Variants in MATCAP2 observed in about 807,000 individuals in gnomAD.
MATCAP2 encodes the protein putative tyrosine carboxypeptidase MATCAP2.
the MATCAP2 span, among the ~76,000 whole-genome samples, chr7:36,381,468 T>C: frequency 2.0e-5 from 3 of 151,870 alleles, no homozygotes; most frequent in East Asian, 1.9e-4. Flanking sequence ...GTCAGGAGTT[T>C]GAGACCAGCC....
At chr7:36,342,827 T>C in the MATCAP2 span, among the ~76,000 whole-genome samples, 1 of 152,240 alleles carries the variant, frequency 6.6e-6, no homozygotes, top group Non-Finnish European at 1.5e-5. Flanking sequence ...AGTTTAACTG[T>C]GTTGCCCAGG....
At chr7:36,324,753 C>T in the MATCAP2 span, 3 of 152,180 alleles carry the variant, frequency 2.0e-5, no homozygotes, top group Non-Finnish European at 2.9e-5. Context: ...GATTTAAGGT[C>T]ATTTTGTCTG....
At chr7:36,351,941 TAAAA>T in the MATCAP2 span, among the ~76,000 whole-genome samples, 13 of 115,286 alleles carry the variant, frequency 1.1e-4, no homozygotes, top group South Asian at 3.1e-4. Context: ...GGGAGATTGT[TAAAA>T]AAAAAAAAAA....
chr7:36,345,486 T>C, the MATCAP2 span, among the ~76,000 whole-genome samples: 1 of 152,208 alleles, frequency 6.6e-6, no homozygotes, highest in African/African-American at 2.4e-5. Context: ...TCTCCTCACC[T>C]GAATGTCACT....
chr7:36,360,229 G>T, the MATCAP2 span, among the ~76,000 whole-genome samples: 2 of 151,966 alleles, frequency 1.3e-5, no homozygotes, highest in Non-Finnish European at 2.9e-5. Flanking sequence ...AGCTTGCTGA[G>T]TTTTTTGTCG....
the MATCAP2 span, among the ~76,000 whole-genome samples, chr7:36,378,579 G>C: frequency 3.9e-5 from 6 of 152,196 alleles, no homozygotes; most frequent in Non-Finnish European, 5.9e-5. Context: ...GGGGCAGTCT[G>C]TCTGTTCTCA....
chr7:36,335,255 T>G, the MATCAP2 span: 10 of 1,335,534 alleles, frequency 7.5e-6, no homozygotes, highest in Middle Eastern at 1.1e-3. Flanking sequence ...CAGAAAACAA[T>G]GGGCCTGTAA....
chr7:36,388,907 T>G, the MATCAP2 span, among the ~76,000 whole-genome samples: 2 of 152,240 alleles, frequency 1.3e-5, no homozygotes, highest in African/African-American at 4.8e-5. Context: ...TCACACAGTC[T>G]GTTAATTTTA....
At chr7:36,390,073 A>G in the MATCAP2 span, 1 of 1,613,116 alleles carries the variant, frequency 6.2e-7, no homozygotes, top group Non-Finnish European at 8.5e-7. Context: ...GCAGCCAGCC[A>G]TGACCCACCG....
the MATCAP2 span, among the ~76,000 whole-genome samples, chr7:36,334,706 A>C: frequency 6.6e-6 from 1 of 152,140 alleles, no homozygotes; most frequent in African/African-American, 2.4e-5. Flanking sequence ...CCTTTATAAC[A>C]ATTTACTTTT....
chr7:36,350,804 C>G, the MATCAP2 span, among the ~76,000 whole-genome samples: 1 of 152,174 alleles, frequency 6.6e-6, no homozygotes, highest in Non-Finnish European at 1.5e-5. Flanking sequence ...TGTGTTTTAA[C>G]TGACTTGGGT....
the MATCAP2 span, among the ~76,000 whole-genome samples, chr7:36,371,164 G>A: frequency 0.089 from 13,609 of 152,152 alleles, 745 homozygotes; most frequent in East Asian, 0.16. Flanking sequence ...GGAGTGCAAT[G>A]GCATGATCAT....
chr7:36,364,364 C>G, the MATCAP2 span, among the ~76,000 whole-genome samples: 49 of 152,224 alleles, frequency 3.2e-4, no homozygotes, highest in African/African-American at 1.2e-3. Context: ...GCTGGGATTA[C>G]AAGTGTGAGC....
chr7:36,378,696 C>T, the MATCAP2 span, among the ~76,000 whole-genome samples: 2 of 152,330 alleles, frequency 1.3e-5, no homozygotes, highest in South Asian at 4.1e-4. Context: ...CTCTGCCCTG[C>T]CCCCAGAGTT....
chr7:36,388,819 G>A, the MATCAP2 span, among the ~76,000 whole-genome samples: 3 of 152,270 alleles, frequency 2.0e-5, no homozygotes, highest in African/African-American at 7.2e-5. Context: ...CTAGATAGAG[G>A]GCTTGTCAGA....
chr7:36,342,326 C>T, the MATCAP2 span, among the ~76,000 whole-genome samples: 3 of 151,796 alleles, frequency 2.0e-5, no homozygotes, highest in South Asian at 2.1e-4. Flanking sequence ...ATTACAGGCA[C>T]CTGCCACCAT....
chr7:36,353,099 C>T, the MATCAP2 span, among the ~76,000 whole-genome samples: 5 of 152,070 alleles, frequency 3.3e-5, no homozygotes. Context: ...TGAGACCCCC[C>T]CACCTATCCA....
the MATCAP2 span, among the ~76,000 whole-genome samples, chr7:36,359,882 A>C: frequency 6.6e-6 from 1 of 152,164 alleles, no homozygotes; most frequent in Non-Finnish European, 1.5e-5. Flanking sequence ...ACGACACCAC[A>C]AGCTTAGGAG....
At chr7:36,388,941 G>T in the MATCAP2 span, among the ~76,000 whole-genome samples, 3 of 152,202 alleles carry the variant, frequency 2.0e-5, no homozygotes, top group Non-Finnish European at 4.4e-5. Context: ...GGCTTAGAGT[G>T]TCGGGGACCC....
Sources: gnomAD v4.1 joint callset for allele counts (sites outside exome capture counted in the v4.1 genomes callset) on GRCh38, gnomAD v4.1.1 for gene constraint, MANE v1.5 for transcripts, NCBI Gene and HGNC (gene_info 2026-07-23, HGNC 2026-07-21) for gene names.